The following DCDC1 variants were observed in gnomAD, a reference collection of about 807,000 sequenced individuals.
DCDC1 encodes the protein doublecortin domain-containing protein 1.
In DCDC1, 200 loss-of-function variants were observed where a neutral mutation model predicts 178.3. The ratio of observed to expected loss-of-function variants is 1.12; its 90% CI spans 1.00 to 1.26. DCDC1 has a LOEUF of 1.26. DCDC1 is among the 50% of genes most tolerant of loss of function. DCDC1 has a pLI of 0.00. For missense variants in DCDC1, 1,983 were observed against 1,749.2 expected (o/e 1.13, Z -2.38); for synonymous variants, 690 against 604.8 (o/e 1.14, Z -2.07).
intron 6 of DCDC1, among the ~76,000 whole-genome samples, chr11:31,301,807 T>C (rs1219073012): frequency 6.6e-6 from 1 of 152,196 alleles, no homozygotes; most frequent in East Asian, 1.9e-4. Flanking sequence ...CATATTCTTG[T>C]CAATCACAAG....
At chr11:30,880,609 C>T (rs1042835900) in intron 37 of DCDC1, among the ~76,000 whole-genome samples, 5 of 152,048 alleles carry the variant, frequency 3.3e-5, no homozygotes, top group African/African-American at 1.2e-4. Flanking sequence ...TATATACCTA[C>T]CTACAAATAC....
chr11:31,120,642 C>A (rs1391299991), intron 11 of DCDC1, among the ~76,000 whole-genome samples: 1 of 152,136 alleles, frequency 6.6e-6, no homozygotes, highest in African/African-American at 2.4e-5. Context: ...TAGAAAACAA[C>A]TCTCAGAGCA....
At chr11:31,332,403 T>C (rs980188970) in intron 2 of DCDC1, among the ~76,000 whole-genome samples, 93 of 152,324 alleles carry the variant, frequency 6.1e-4, no homozygotes, top group Non-Finnish European at 1.2e-3. Context: ...ATCTTAGTTA[T>C]TTCTTGCCTT....
At chr11:31,113,770 C>T (rs543820049) in intron 11 of DCDC1, among the ~76,000 whole-genome samples, 1 of 152,160 alleles carries the variant, frequency 6.6e-6, no homozygotes, top group East Asian at 1.9e-4. Flanking sequence ...CTGGCCTTAT[C>T]TCTAGCATGG....
chr11:31,321,840 A>C (rs575619623), intron 3 of DCDC1, among the ~76,000 whole-genome samples: 79 of 152,282 alleles, frequency 5.2e-4, no homozygotes, highest in African/African-American at 1.9e-3. Flanking sequence ...GGTGAAAGAG[A>C]GAACTATTAA....
At chr11:31,069,141 G>A (rs1956417460) in intron 18 of DCDC1, among the ~76,000 whole-genome samples, 1 of 151,916 alleles carries the variant, frequency 6.6e-6, no homozygotes, top group Non-Finnish European at 1.5e-5. Flanking sequence ...ATGAGCCACC[G>A]CGCCTGGCCC....
chr11:31,296,856 G>GT (rs1318017632), intron 6 of DCDC1, among the ~76,000 whole-genome samples: 5 of 151,688 alleles, frequency 3.3e-5, no homozygotes, highest in Non-Finnish European at 5.9e-5. Flanking sequence ...ACAGCATGGG[G>GT]GGGACCACCC....
intron 18 of DCDC1, among the ~76,000 whole-genome samples, chr11:31,065,447 G>T (rs528074526): frequency 6.6e-6 from 1 of 152,036 alleles, no homozygotes; most frequent in Non-Finnish European, 1.5e-5. Context: ...TAAATTTATT[G>T]AGTTATTTCT....
intron 21 of DCDC1, among the ~76,000 whole-genome samples, chr11:30,950,279 C>T (rs891649319): frequency 2.0e-5 from 3 of 152,166 alleles, no homozygotes; most frequent in African/African-American, 7.2e-5. Context: ...TTATGGAGAA[C>T]AGTGTGGAGG....
chr11:31,187,216 G>C (rs989744993), intron 9 of DCDC1, among the ~76,000 whole-genome samples: 1 of 152,164 alleles, frequency 6.6e-6, no homozygotes, highest in South Asian at 2.1e-4. Context: ...GTAAATATTT[G>C]TTGAATGAAT....
chr11:31,180,584 G>A lies in DCDC1; in HGVS notation c.1222-42800C>T, dbSNP rs574257488. On this transcript the variant is annotated intron_variant, in intron 9 of 38. Coordinates refer to ENST00000684477, the MANE Select transcript of DCDC1 (RefSeq NM_001387274.1). Reference sequence around the variant, plus strand: ...AGCAGGGTGGGGCATTGCCTCAGCCGGGAAGCACAGAGGGTTGGGGAACTC... The same window carrying A: ...AGCAGGGTGGGGCATTGCCTCAGCCAGGAAGCACAGAGGGTTGGGGAACTC... Among the ~76,000 whole-genome samples the A allele has an allele frequency of 9.9e-5, 15 of 152,218 alleles. No individual in the cohort carries two copies. In the East Asian group the frequency reaches 1.2e-3, roughly 12 times the overall value.
intron 6 of DCDC1, among the ~76,000 whole-genome samples, chr11:31,303,416 T>C (rs1309426186): frequency 6.6e-6 from 1 of 152,202 alleles, no homozygotes; most frequent in Non-Finnish European, 1.5e-5. Flanking sequence ...ATCATGTCTC[T>C]TTAAGTTTAT....
At chr11:31,240,216 A>G (rs1976948011) in intron 9 of DCDC1, among the ~76,000 whole-genome samples, 1 of 152,052 alleles carries the variant, frequency 6.6e-6, no homozygotes, top group Non-Finnish European at 1.5e-5. Flanking sequence ...TATTTCAACT[A>G]CAATAATTTA....
intron 9 of DCDC1, among the ~76,000 whole-genome samples, chr11:31,208,070 T>A (rs1389045982): frequency 1.3e-5 from 2 of 152,180 alleles, no homozygotes; most frequent in African/African-American, 4.8e-5. Context: ...GTATCTTTAT[T>A]TTCTTTATCT....
At chr11:30,934,741 C>G (rs1050528551) in intron 21 of DCDC1, among the ~76,000 whole-genome samples, 1 of 152,166 alleles carries the variant, frequency 6.6e-6, no homozygotes, top group Non-Finnish European at 1.5e-5. Context: ...AACGGAACCA[C>G]CTGTGCCTGG....
chr11:30,954,733 C>T (rs1244651150), intron 20 of DCDC1, among the ~76,000 whole-genome samples: 1 of 152,186 alleles, frequency 6.6e-6, no homozygotes, highest in East Asian at 1.9e-4. Flanking sequence ...AGCAGTGCAT[C>T]ACCCATAATT....
intron 18 of DCDC1, among the ~76,000 whole-genome samples, chr11:31,070,885 C>G (rs188527621): frequency 6.6e-6 from 1 of 152,232 alleles, no homozygotes; most frequent in Non-Finnish European, 1.5e-5. Context: ...GTATGGCAGG[C>G]AAGTCTGCAG....
At chr11:31,154,240 A>C (rs556468115) in intron 9 of DCDC1, among the ~76,000 whole-genome samples, 1 of 152,050 alleles carries the variant, frequency 6.6e-6, no homozygotes, top group African/African-American at 2.4e-5. Flanking sequence ...AGTCAATTAA[A>C]CCTCTCTTCT....
intron 9 of DCDC1, among the ~76,000 whole-genome samples, chr11:31,140,533 A>G (rs1401834800): frequency 6.6e-6 from 1 of 152,222 alleles, no homozygotes; most frequent in African/African-American, 2.4e-5. Context: ...TGTAACAAAC[A>G]TTAGCCATAC....
Sources: allele counts gnomAD v4.1 joint callset (sites outside exome capture counted in the v4.1 genomes callset), GRCh38; gene constraint gnomAD v4.1.1; transcripts MANE v1.5; gene names NCBI Gene and HGNC (gene_info 2026-07-23, HGNC 2026-07-21).